KAT6A: variants seen among roughly 807,000 people sequenced by gnomAD.
KAT6A encodes the protein histone acetyltransferase KAT6A.
A neutral mutation model predicts 198.4 loss-of-function variants in KAT6A; 9 were observed. The ratio of observed to expected loss-of-function variants is 0.05; its 90% confidence interval spans 0.03 to 0.08. The LOEUF (loss-of-function observed/expected upper bound fraction) is 0.08, where lower values mean the gene tolerates loss of function less well. KAT6A is among the 10% of genes least tolerant of loss of function. KAT6A has a pLI of 1.00. For synonymous variants in KAT6A, 890 were observed against 883.0 expected (o/e 1.01, Z -0.14); for missense variants, 2,077 against 2,509.9 (o/e 0.83, Z 3.69).
At chr8:41,962,754 TC>T (rs1823273307) in intron 8 of KAT6A, among the ~76,000 whole-genome samples, 1 of 152,164 alleles carries the variant, frequency 6.6e-6, no homozygotes, top group African/African-American at 2.4e-5. Flanking sequence ...AAGCCAGCCT[TC>T]CATTACCCTT....
chr8:41,937,681 G>T, intron 15 of KAT6A, 113 bp from the exon 16 acceptor site: 1 of 753,006 alleles, frequency 1.3e-6, no homozygotes, highest in Non-Finnish European at 2.1e-6. Context: ...TGAGGATGTT[G>T]TTTGCCAAAA....
At chr8:41,949,160 G>C (rs1198691371) in intron 10 of KAT6A, 62 bp downstream of exon 10, 1 of 1,098,450 alleles carries the variant, frequency 9.1e-7, no homozygotes, top group East Asian at 3.1e-5. Flanking sequence ...CACAATAGAT[G>C]CAATATAGGT....
intron 2 of KAT6A, among the ~76,000 whole-genome samples, chr8:42,024,194 A>T (rs191736036): frequency 6.6e-6 from 1 of 152,368 alleles, no homozygotes; most frequent in Non-Finnish European, 1.5e-5. Flanking sequence ...CTAAGCTCTC[A>T]TAAGACTGGC....
chr8:41,939,369 GCTT>G (rs1476198312), intron 15 of KAT6A, among the ~76,000 whole-genome samples: 2 of 152,148 alleles, frequency 1.3e-5, no homozygotes, highest in African/African-American at 4.8e-5. Context: ...TTTGATACTT[GCTT>G]CTTTTTATTT....
At chr8:41,942,695 T>A in intron 14 of KAT6A, 98 bp downstream of exon 14, 4 of 1,332,894 alleles carry the variant, frequency 3.0e-6, no homozygotes, top group Non-Finnish European at 4.1e-6. Context: ...GTGAATTTAC[T>A]TTTCTGTGAA....
At chr8:41,947,633 A>G (rs1010397615) in intron 11 of KAT6A, 118 bp downstream of exon 11, 8 of 771,306 alleles carry the variant, frequency 1.0e-5, no homozygotes, top group Non-Finnish European at 1.6e-5. Flanking sequence ...TATTCTTTCC[A>G]AACAGCTAGA....
intron 16 of KAT6A, among the ~76,000 whole-genome samples, chr8:41,935,953 C>T (rs918079282): frequency 3.9e-5 from 6 of 152,214 alleles, no homozygotes; most frequent in Non-Finnish European, 8.8e-5. Context: ...ACACATTCAT[C>T]TTATCACTAT....
chr8:41,933,197 G>A lies in KAT6A; in HGVS notation c.5023C>T (p.Pro1675Ser). Residue 1675 changes from proline to serine, a missense_variant, in exon 17 of 17, where the codon CCC (proline) becomes TCC (serine). Transcript: ENST00000265713. This position sits in a 1 kb window ranked among gnomAD's most constrained non-coding sequence, Gnocchi z 6.2. ...QPQPAPQPPP[P>S]QQQPQQQPQP... ...GGCTGCTGTTGCGGCTGCTGCTGGG[G>A]TGGTGGAGGCTGTGGTGCTGGTTGT... 1 of 1,584,828 alleles carries A rather than the reference G, an allele frequency of 6.3e-7. No individual in the cohort carries two copies. Among genetic ancestry groups the A allele is most frequent in the South Asian group, 1.1e-5 (1 of 88,814 alleles).
chr8:42,048,035 GTTAAAGTT>G (rs1191951412), intron 2 of KAT6A, among the ~76,000 whole-genome samples: 1 of 151,504 alleles, frequency 6.6e-6, no homozygotes, highest in Non-Finnish European at 1.5e-5. Context: ...AGAACCTTTA[GTTAAAGTT>G]TTAAAGTCTC....
At chr8:42,033,930 G>A (rs1002012249) in intron 2 of KAT6A, among the ~76,000 whole-genome samples, 1 of 152,060 alleles carries the variant, frequency 6.6e-6, no homozygotes, top group South Asian at 2.1e-4. Flanking sequence ...TAGGAGACAG[G>A]CTAAAAAAGT....
At chr8:42,051,109 A>T (rs1442739171) in intron 1 of KAT6A, among the ~76,000 whole-genome samples, 1 of 152,038 alleles carries the variant, frequency 6.6e-6, no homozygotes, top group African/African-American at 2.4e-5. Context: ...CAATGAAATC[A>T]CGTGAAGGAG....
At chr8:41,980,777 T>C (rs868233718) in intron 5 of KAT6A, 69 bp downstream of exon 5, 3 of 1,021,450 alleles carry the variant, frequency 2.9e-6, no homozygotes, top group South Asian at 2.5e-5. Context: ...TTTAACAAAG[T>C]AGATAAAATG....
chr8:41,976,934 T>G (rs1824082305), intron 7 of KAT6A, 74 bp downstream of exon 7: 1 of 1,192,386 alleles, frequency 8.4e-7, no homozygotes, highest in African/African-American at 1.5e-5. Context: ...AAATCCATTA[T>G]AGATAATTAG....
intron 8 of KAT6A, among the ~76,000 whole-genome samples, chr8:41,959,158 C>CG (rs1366398037): frequency 1.7e-5 from 1 of 58,046 alleles, no homozygotes; most frequent in Non-Finnish European, 2.8e-5. Context: ...CAGACTGTCT[C>CG]GAAAAAAAAA....
intron 2 of KAT6A, among the ~76,000 whole-genome samples, chr8:42,047,080 T>C (rs1802349865): frequency 2.0e-5 from 3 of 152,200 alleles, no homozygotes; most frequent in African/African-American, 4.8e-5. Context: ...ACATTCAATG[T>C]TAACTTTACC....
intron 5 of KAT6A, among the ~76,000 whole-genome samples, chr8:41,979,359 C>G (rs1025636893): frequency 6.6e-6 from 1 of 152,072 alleles, no homozygotes; most frequent in African/African-American, 2.4e-5. Flanking sequence ...TGTTTCTTGA[C>G]TGGGCACAGT....
At chr8:42,020,864 A>G (rs951760849) in intron 2 of KAT6A, among the ~76,000 whole-genome samples, 2 of 152,196 alleles carry the variant, frequency 1.3e-5, no homozygotes, top group Admixed American at 1.3e-4. Context: ...TTCATTCCTA[A>G]TATGAACCAG....
intron 2 of KAT6A, among the ~76,000 whole-genome samples, chr8:41,991,619 A>G (rs1039831276): frequency 2.6e-5 from 4 of 152,166 alleles, no homozygotes; most frequent in African/African-American, 9.7e-5. Flanking sequence ...ATTAGAGTTA[A>G]ATTTAAATTA....
chr8:42,044,618 T>C (rs973007604), intron 2 of KAT6A, among the ~76,000 whole-genome samples: 4 of 152,142 alleles, frequency 2.6e-5, no homozygotes, highest in Admixed American at 2.6e-4. Context: ...AAGTTAGAAT[T>C]GATACCAGAA....
Sources: allele counts gnomAD v4.1 joint callset (sites outside exome capture counted in the v4.1 genomes callset), GRCh38; gene constraint gnomAD v4.1.1; non-coding constraint Gnocchi (gnomAD v3.1); transcripts MANE v1.5; gene names NCBI Gene and HGNC (gene_info 2026-07-23, HGNC 2026-07-21).